Variants in FBN1 observed in about 807,000 individuals in gnomAD.
FBN1 encodes fibrillin 1.
FBN1 carries 29 observed loss-of-function variants against 365.1 expected under a neutral mutation model. That is an observed-to-expected ratio of 0.08 (90% CI 0.06 to 0.11). The LOEUF is 0.11. Among genes scored for constraint, FBN1 ranks in the 10% least tolerant of loss-of-function variants. FBN1 has a pLI of 1.00. For synonymous variants in FBN1, 1,210 were observed against 1,270.5 expected, an observed-to-expected ratio of 0.95 and a Z score of 1.01; for missense variants, 2,476 against 3,703.2, an observed-to-expected ratio of 0.67 and a Z score of 8.60.
intron 48 of FBN1, 121 bp downstream of exon 48, chr15:48,445,255 A>T: frequency 1.0e-6 from 1 of 966,888 alleles, no homozygotes. Context: ...GAGGATTAAT[A>T]TAATTCTACT....
rs372753740 is a variant in FBN1, at chr15:48,468,543, G to A, written c.4460-9C>T. ...CAGGCATTCATTCACATCTAAAACC[G>A]AACAGTGAGTAGTGGAGTTATCACC... On this transcript the variant is annotated splice_polypyrimidine_tract_variant and intron_variant, in intron 36 of 65. Transcript: ENST00000316623. 1.3e-5 allele frequency: 21 copies of A among 1,613,744 alleles called. No homozygotes were observed. The highest frequency in any genetic ancestry group is 5.0e-5 in the Admixed American group (3 of 59,982).
Position 48,429,125 on chromosome 15 carries a change from A to T in FBN1, c.6872-654T>A, listed in dbSNP as rs73392127. Among the ~76,000 whole-genome samples, 1,074 of 152,338 alleles carry T rather than the reference A, an allele frequency of 7.1e-3. 16 individuals are homozygous for T. Among genetic ancestry groups the T allele is most frequent in the African/African-American group, 0.025 (1,049 of 41,586 alleles). On this transcript the variant is annotated intron_variant, in intron 56 of 65. Transcript: ENST00000316623. ...CACACTTACATTTTTCACTTAGTAA[A>T]ATTTAAATCTTTTCATATTAGGACA...
intron 6 of FBN1, among the ~76,000 whole-genome samples, chr15:48,570,154 A>T (rs148626111): frequency 9.7e-4 from 148 of 152,270 alleles, no homozygotes; most frequent in African/African-American, 3.4e-3. Flanking sequence ...CACTCACTGG[A>T]TAAGTAAGCT....
chr15:48,485,542 T>C (rs1397960309), intron 29 of FBN1, 46 bp from the exon 30 acceptor site: 7 of 1,606,358 alleles, frequency 4.4e-6, no homozygotes, highest in Non-Finnish European at 6.0e-6. Flanking sequence ...GGTTTGGATG[T>C]CTGTCCCCTC....
At chr15:48,455,293 C>G (rs1424353472) in intron 44 of FBN1, among the ~76,000 whole-genome samples, 1 of 152,200 alleles carries the variant, frequency 6.6e-6, no homozygotes, top group Non-Finnish European at 1.5e-5. Flanking sequence ...TGTGTTTAAT[C>G]TCATGGATCT....
intron 55 of FBN1, among the ~76,000 whole-genome samples, chr15:48,431,044 T>A (rs1483876367): frequency 1.3e-5 from 2 of 152,096 alleles, no homozygotes; most frequent in Non-Finnish European, 2.9e-5. Flanking sequence ...AGAAGCATGA[T>A]TCTGATCATG....
intron 4 of FBN1, among the ~76,000 whole-genome samples, chr15:48,609,974 G>A (rs904067651): frequency 4.6e-5 from 7 of 152,122 alleles, no homozygotes; most frequent in Admixed American, 4.6e-4. Context: ...GTCAAAATAG[G>A]ACACACAATA....
At position 48,470,649 on chromosome 15, in the gene FBN1, C is replaced by G. The variant is rs762532435; in HGVS notation, c.4444G>C (p.Gly1482Arg). The G allele has an allele frequency of 6.2e-7, 1 of 1,614,014 alleles. No individual in the cohort carries two copies. The change falls in exon 36 of 66, where the codon GGC becomes CGC. Residue 1482 changes from glycine (G) to arginine (R), a missense_variant. Physicochemically the swap from Gly to Arg is moderately radical, Grantham distance 125. This residue lies in a region of FBN1 where 1,780 missense variants were observed against 2,840.8 expected (regional missense o/e 0.63). Coordinates refer to ENST00000316623, the MANE Select transcript of FBN1 (RefSeq NM_000138.5). The part of the protein sequence containing the change: ...CEIGYELDRS[G>R]GNCTDVNECL... The stretch of plus-strand genomic sequence containing the variant: ...GAGGTCTTACCTGTGCAGTTCCCGC[C>G]GCTTCTGTCCAGTTCGTAGCCTATC...
intron 11 of FBN1, 23 bp from the exon 12 acceptor site, chr15:48,515,550 T>A (rs1193587087): frequency 5.6e-6 from 9 of 1,613,542 alleles, no homozygotes; most frequent in Non-Finnish European, 7.6e-6. Context: ...TAAGCCCCAT[T>A]AAAATTATTT....
intron 4 of FBN1, among the ~76,000 whole-genome samples, chr15:48,603,759 A>G (rs1328096975): frequency 6.6e-6 from 1 of 152,198 alleles, no homozygotes; most frequent in Non-Finnish European, 1.5e-5. Context: ...TTAAGATTTT[A>G]CTAGAAATTG....
chr15:48,492,654 A>G, intron 23 of FBN1, 68 bp from the exon 24 acceptor site: 1 of 1,237,816 alleles, frequency 8.1e-7, no homozygotes, highest in Admixed American at 2.0e-5. Flanking sequence ...TTCTACTCAT[A>G]GAGTCATAAT....
At chr15:48,442,737 C>T (rs12591041) in intron 49 of FBN1, among the ~76,000 whole-genome samples, 3,328 of 152,256 alleles carry the variant, frequency 0.022, 69 homozygotes, top group East Asian at 0.083. Flanking sequence ...ATAAAACATA[C>T]GATTACCTAT....
At chr15:48,597,908 G>A (rs140164890) in intron 5 of FBN1, among the ~76,000 whole-genome samples, 1 of 152,330 alleles carries the variant, frequency 6.6e-6, no homozygotes, top group Non-Finnish European at 1.5e-5. Flanking sequence ...TTAAGCACTT[G>A]TGTGTTGGGC....
chr15:48,515,145 G>A (rs1032286361), intron 12 of FBN1, among the ~76,000 whole-genome samples: 3 of 152,182 alleles, frequency 2.0e-5, no homozygotes, highest in Non-Finnish European at 2.9e-5. Flanking sequence ...GCTGAAAAAG[G>A]CAAAGAGATG....
rs777333398 is a variant in FBN1 at position 48,490,120 on chromosome 15, C to A, written c.2855-42G>T. On this transcript the variant is annotated intron_variant, in intron 24 of 65. Transcript: ENST00000316623. Reference sequence around the variant, plus strand: ...AGGGAGGTTAAATAGAGCCACACGGCTTCCACTGCCCCAAACTGCCAACAC... The same window carrying A: ...AGGGAGGTTAAATAGAGCCACACGGATTCCACTGCCCCAAACTGCCAACAC... 1.1e-5 allele frequency: 17 copies of A among 1,544,688 alleles called. No homozygotes were observed. In the African/African-American group the frequency reaches 2.3e-4, roughly 21 times the overall value.
intron 50 of FBN1, among the ~76,000 whole-genome samples, chr15:48,440,925 C>A (rs2043108943): frequency 7.0e-6 from 1 of 142,542 alleles, no homozygotes; most frequent in Non-Finnish European, 1.5e-5. Flanking sequence ...CCCAACTCAA[C>A]ATCAAAACAA....
chr15:48,446,661 T>C (rs748416696), intron 47 of FBN1, 45 bp downstream of exon 47: 1 of 1,127,910 alleles, frequency 8.9e-7, no homozygotes, highest in Admixed American at 1.7e-5. Flanking sequence ...AAAGAACACA[T>C]ATAAAACTGA....
chr15:48,590,236 G>C (rs1235043219), intron 6 of FBN1, among the ~76,000 whole-genome samples: 1 of 152,094 alleles, frequency 6.6e-6, no homozygotes, highest in Non-Finnish European at 1.5e-5. Context: ...AAAAACACCA[G>C]GAGAAAAAAA....
chr15:48,573,886 G>A (rs2044325414), intron 6 of FBN1, among the ~76,000 whole-genome samples: 1 of 152,256 alleles, frequency 6.6e-6, no homozygotes, highest in Non-Finnish European at 1.5e-5. Flanking sequence ...TTAGAAGCCA[G>A]TGATGGTCAC....
Sources: allele counts gnomAD v4.1 joint callset (sites outside exome capture counted in the v4.1 genomes callset), GRCh38; gene constraint gnomAD v4.1.1; regional missense constraint gnomAD v4.1.1; transcripts MANE v1.5; gene names NCBI Gene and HGNC (gene_info 2026-07-23, HGNC 2026-07-21).